PCDHGB1: variants seen among roughly 807,000 people sequenced by gnomAD.
PCDHGB1 encodes the protein protocadherin gamma-B1.
PCDHGB1 carries 34 observed loss-of-function variants against 56.6 expected under a neutral mutation model. That is an observed-to-expected ratio of 0.60 (90% CI 0.46 to 0.80). The LOEUF is 0.80. Ranked by LOEUF, PCDHGB1 falls within the 30% of genes least tolerant of loss-of-function variation. The pLI is 0.00. For missense variants in PCDHGB1, 1,278 were observed against 1,204.6 expected (o/e 1.06, Z -0.90); for synonymous variants, 561 against 505.9 (o/e 1.11, Z -1.46).
At chr5:141,447,400 A>G (rs904985523) in intron 1 of PCDHGB1, among the ~76,000 whole-genome samples, 1 of 152,090 alleles carries the variant, frequency 6.6e-6, no homozygotes, top group Non-Finnish European at 1.5e-5. Flanking sequence ...GGCCTCCCAA[A>G]GTGCTGGGAT....
rs1038145479 is a variant in PCDHGB1 at position 141,408,047 on chromosome 5, A to G, written c.2409+55378A>G. The G allele has an allele frequency of 5.6e-6, 7 of 1,243,316 alleles. No individual in the cohort carries two copies. In the African/African-American group the frequency reaches 1.1e-4, roughly 19 times the overall value. The allele number at this position is 1,243,316 out of a possible 1,614,324, so 77.0% of individuals were successfully genotyped here. On this transcript the variant is annotated intron_variant, in intron 1 of 3. Coordinates refer to ENST00000523390, the MANE Select transcript of PCDHGB1 (RefSeq NM_018922.3). ...GAAAGAAGAAAACCAGCTCCCACAC[A>G]GAGCCTCCCGGCTGCGCAGACCTTT...
intron 1 of PCDHGB1, among the ~76,000 whole-genome samples, chr5:141,438,614 A>G (rs1208036297): frequency 5.8e-5 from 2 of 34,396 alleles, no homozygotes. Context: ...ATATATATAT[A>G]TATATATATA....
intron 1 of PCDHGB1, chr5:141,422,633 G>A (rs769515606): frequency 1.9e-6 from 3 of 1,613,120 alleles, no homozygotes; most frequent in Non-Finnish European, 2.5e-6. Flanking sequence ...AACCCCAGGG[G>A]TGCCTCCATC....
chr5:141,427,798 T>A, intron 1 of PCDHGB1: 1 of 1,506,550 alleles, frequency 6.6e-7, no homozygotes. Context: ...TACGTGTCCG[T>A]GAGCGCACAG....
intron 1 of PCDHGB1, chr5:141,414,738 C>A: frequency 6.2e-7 from 1 of 1,614,238 alleles, no homozygotes; most frequent in Non-Finnish European, 8.5e-7. Context: ...TGTATGCACT[C>A]AGATCCTTCG....
intron 1 of PCDHGB1, chr5:141,367,404 GCA>G (rs1765111997): frequency 2.0e-5 from 3 of 152,244 alleles, no homozygotes; most frequent in African/African-American, 7.2e-5. Flanking sequence ...GGGCGTGGTG[GCA>G]GGCGCCTGTA....
Position 141,403,062 on chromosome 5 carries a change from A to G in PCDHGB1, c.2409+50393A>G, listed in dbSNP as rs780758422. On this transcript the variant is annotated intron_variant, in intron 1 of 3. Transcript: ENST00000523390. ...AGTCAGATTCGCTACTCAGTGCCTG[A>G]AGAGACAGAAAAGGGCTATATTGTG... is the stretch of plus-strand genomic sequence containing the variant. The G allele has an allele frequency of 7.4e-6, 12 of 1,613,964 alleles. 1 individual carries two copies. The South Asian group carries it at 1.1e-4, about 15-fold the overall frequency.
rs373286702 is a variant in PCDHGB1, at chr5:141,421,190, A to T, written c.2409+68521A>T. ...TACATAAGCCGATTCACAACCAACC[A>T]GCTCGAGAAACCGCGGAATATCGGC... On this transcript the variant is annotated intron_variant, in intron 1 of 3. Transcript: ENST00000523390. The T allele has an allele frequency of 4.7e-6, 7 of 1,480,168 alleles. No homozygotes were observed. The South Asian group carries it at 9.4e-5, about 20-fold the overall frequency. 91.7% of individuals were successfully genotyped at this position (1,480,168 alleles called of 1,614,324 possible).
chr5:141,378,758 C>T (rs969501970), intron 1 of PCDHGB1: 1 of 152,162 alleles, frequency 6.6e-6, no homozygotes, highest in Admixed American at 6.5e-5. Flanking sequence ...AAGGGATTAT[C>T]ATTTAGAAGA....
Position 141,432,916 on chromosome 5 carries a change from G to A in PCDHGB1, c.2410-61891G>A, listed in dbSNP as rs1303459899. ...TGCTGGCGCTCAGGCTGCGGCGCTG[G>A]CACAAGTCACGCCTGCTGCAGGCTT... is the stretch of plus-strand genomic sequence containing the variant. On this transcript the variant is annotated intron_variant, in intron 1 of 3. Transcript: ENST00000523390. This position sits in a 1 kb window ranked among gnomAD's most constrained non-coding sequence, Gnocchi z 6.0. 1.2e-6 allele frequency: 2 copies of A among 1,614,078 alleles called. No individual in the cohort carries two copies. The highest frequency in any genetic ancestry group is 1.7e-6 in the Non-Finnish European group (2 of 1,180,048).
At chr5:141,384,110 T>A in intron 1 of PCDHGB1, 1 of 1,604,780 alleles carries the variant, frequency 6.2e-7, no homozygotes, top group Non-Finnish European at 8.5e-7. Context: ...TATTATAGAT[T>A]GGTCACAACC....
Position 141,490,008 on chromosome 5 carries a change from C to T in PCDHGB1, c.2410-4799C>T. 6.2e-7 allele frequency: 1 copy of T among 1,614,230 alleles called. No homozygotes were observed. ...GTGTGGGAATCCCAGAGAATGCACC[C>T]ATTGGTACTCTGCTGCTCCGCCTCA... On this transcript the variant is annotated intron_variant, in intron 1 of 3. Transcript: ENST00000523390. This position sits in a 1 kb window ranked among gnomAD's most constrained non-coding sequence, Gnocchi z 5.4.
intron 1 of PCDHGB1, among the ~76,000 whole-genome samples, chr5:141,456,179 A>G (rs1161415053): frequency 6.6e-6 from 1 of 151,860 alleles, no homozygotes; most frequent in Non-Finnish European, 1.5e-5. Context: ...TTACAGAATA[A>G]TTTCTTAATA....
intron 1 of PCDHGB1, chr5:141,371,845 A>G: frequency 6.2e-7 from 1 of 1,613,664 alleles, no homozygotes; most frequent in Non-Finnish European, 8.5e-7. Flanking sequence ...TTGGGACCTA[A>G]TGGCCTTGTC....
chr5:141,360,293 A>G, intron 1 of PCDHGB1: 1 of 1,613,970 alleles, frequency 6.2e-7, no homozygotes, highest in Non-Finnish European at 8.5e-7. Flanking sequence ...CTCGCCAAGG[A>G]TCTGGGGCTC....
At chr5:141,353,929 T>C (rs575617403) in intron 1 of PCDHGB1, among the ~76,000 whole-genome samples, 12 of 152,396 alleles carry the variant, frequency 7.9e-5, no homozygotes, top group African/African-American at 2.9e-4. Context: ...GAGTCATTTC[T>C]ACTGCTAATT....
intron 1 of PCDHGB1, chr5:141,399,103 C>CA (rs755732381): frequency 6.2e-7 from 1 of 1,613,604 alleles, no homozygotes; most frequent in African/African-American, 1.3e-5. Context: ...ACTGGTTGCA[C>CA]AATGTACAGT....
At chr5:141,389,433 G>C in intron 1 of PCDHGB1, 1 of 1,610,628 alleles carries the variant, frequency 6.2e-7, no homozygotes, top group Non-Finnish European at 8.5e-7. Context: ...CGCGCAGCGC[G>C]CCTTCGACCA....
At chr5:141,392,775 A>G in intron 1 of PCDHGB1, 1 of 1,524,280 alleles carries the variant, frequency 6.6e-7, no homozygotes, top group Non-Finnish European at 8.8e-7. Context: ...CCATTTATGC[A>G]CAGTGAAGAT....
Sources: gnomAD v4.1 joint callset for allele counts (sites outside exome capture counted in the v4.1 genomes callset) on GRCh38, gnomAD v4.1.1 for gene constraint, Gnocchi (gnomAD v3.1) non-coding constraint, MANE v1.5 for transcripts, NCBI Gene and HGNC (gene_info 2026-07-23, HGNC 2026-07-21) for gene names.